IQSEC1: variants seen among roughly 807,000 people sequenced by gnomAD.
The protein encoded by IQSEC1 is IQ motif and Sec7 domain ArfGEF 1.
IQSEC1 carries 31 observed loss-of-function variants against 91.0 expected under a neutral mutation model. The observed-to-expected ratio is 0.34, with a 90% CI of 0.26 to 0.46. The LOEUF (loss-of-function observed/expected upper bound fraction) is 0.46, where lower values mean the gene tolerates loss of function less well. IQSEC1 is among the 20% of genes least tolerant of loss of function. The probability of loss-of-function intolerance (pLI) is 1.00; values close to 1 mark genes in which losing one functional copy is unlikely to be tolerated. For missense variants in IQSEC1, 1,388 were observed against 1,575.6 expected (o/e 0.88, Z 2.02); for synonymous variants, 699 against 662.6 (o/e 1.05, Z -0.84).
chr3:13,046,182 C>T (rs1339948247), intron 1 of IQSEC1, among the ~76,000 whole-genome samples: 1 of 152,228 alleles, frequency 6.6e-6, no homozygotes, highest in African/African-American at 2.4e-5. Flanking sequence ...GTGGAGTGGG[C>T]TAACAATAGC....
intron 1 of IQSEC1, among the ~76,000 whole-genome samples, chr3:13,216,065 C>T (rs1388329208): frequency 6.6e-6 from 1 of 152,260 alleles, no homozygotes; most frequent in Non-Finnish European, 1.5e-5. Context: ...TGGGGCTGGG[C>T]AGGCCCTCCA....
chr3:13,027,405 G>A (rs1197328076), intron 1 of IQSEC1, among the ~76,000 whole-genome samples: 1 of 152,206 alleles, frequency 6.6e-6, no homozygotes, highest in Non-Finnish European at 1.5e-5. Context: ...AAGGGCCAGC[G>A]TCCAAGTTGC....
chr3:12,901,260 G>A lies in IQSEC1; in HGVS notation c.3068C>T (p.Ala1023Val), dbSNP rs778950868. Reference protein sequence around the residue: ...LGPPEGLPQAAMHGHHTQYCH... With the variant: ...LGPPEGLPQAVMHGHHTQYCH... ...GTACTGGGTGTGATGCCCGTGCATG[G>A]CGGCCTGCGGCAGCCCCTCTGGGGG... The change falls in exon 14 of 14, where the codon GCC becomes GTC. Residue 1023 changes from alanine (A) to valine (V), a missense_variant. By Grantham distance (64) the Ala-to-Val change is moderately conservative. Transcript: ENST00000613206. 2.7e-5 allele frequency: 41 copies of A among 1,533,016 alleles called. No individual in the cohort carries two copies. Among genetic ancestry groups the A allele is most frequent in the Non-Finnish European group, 3.5e-5 (40 of 1,145,906 alleles). The allele number at this position is 1,533,016 out of a possible 1,614,324, so 95.0% of individuals were successfully genotyped here. A position where few individuals can be genotyped will look rare whatever the true frequency, so the allele number is the denominator to read the frequency against.
chr3:13,119,297 C>T (rs1300404277), intron 2 of IQSEC1, among the ~76,000 whole-genome samples: 1 of 152,142 alleles, frequency 6.6e-6, no homozygotes, highest in African/African-American at 2.4e-5. Flanking sequence ...TTAAAAGGGC[C>T]TCAAGGATCT....
intron 2 of IQSEC1, among the ~76,000 whole-genome samples, chr3:13,124,058 C>T (rs1436496542): frequency 6.6e-6 from 1 of 152,210 alleles, no homozygotes; most frequent in African/African-American, 2.4e-5. Flanking sequence ...CTGTCATAAC[C>T]GGCAGGCATG....
chr3:13,083,143 G>A (rs927695442), intron 2 of IQSEC1, among the ~76,000 whole-genome samples: 13 of 152,350 alleles, frequency 8.5e-5, no homozygotes, highest in African/African-American at 3.1e-4. Flanking sequence ...TATCCCCTGT[G>A]CCTGATAACT....
intron 1 of IQSEC1, among the ~76,000 whole-genome samples, chr3:13,173,089 C>T (rs1431827409): frequency 6.6e-6 from 1 of 152,168 alleles, no homozygotes; most frequent in Non-Finnish European, 1.5e-5. Flanking sequence ...GGGTTTTCTC[C>T]CCTGGGAAAA....
At chr3:13,231,942 C>G (rs1376904977) in intron 1 of IQSEC1, among the ~76,000 whole-genome samples, 4 of 152,274 alleles carry the variant, frequency 2.6e-5, no homozygotes, top group African/African-American at 9.6e-5. Flanking sequence ...CAGTCACATT[C>G]TGGTGCTCCC....
At chr3:13,045,661 T>C (rs557577136) in intron 1 of IQSEC1, among the ~76,000 whole-genome samples, 2 of 152,338 alleles carry the variant, frequency 1.3e-5, no homozygotes, top group South Asian at 4.1e-4. Flanking sequence ...TACCAGAACT[T>C]TCCTGGGCTG....
At chr3:13,088,396 T>C (rs751521216) in intron 2 of IQSEC1, among the ~76,000 whole-genome samples, 1 of 152,024 alleles carries the variant, frequency 6.6e-6, no homozygotes, top group Non-Finnish European at 1.5e-5. Context: ...ACAAGCTTAG[T>C]ATGCCGAGGC....
intron 1 of IQSEC1, among the ~76,000 whole-genome samples, chr3:12,973,691 A>G (rs1701016945): frequency 6.6e-6 from 1 of 152,202 alleles, no homozygotes; most frequent in Non-Finnish European, 1.5e-5. Context: ...ATATCAAAAT[A>G]TCTCATGTGA....
chr3:13,075,627 T>C (rs1045785777), upstream of IQSEC1, among the ~76,000 whole-genome samples: 24 of 152,248 alleles, frequency 1.6e-4, no homozygotes, highest in African/African-American at 5.8e-4. Flanking sequence ...CCTTCCATGT[T>C]ATGCTGTTAT....
At chr3:13,002,641 A>G (rs1702469186) in intron 1 of IQSEC1, among the ~76,000 whole-genome samples, 1 of 152,226 alleles carries the variant, frequency 6.6e-6, no homozygotes. Flanking sequence ...TCATGACTCA[A>G]TAACAAGGAG....
At chr3:13,104,609 G>A (rs1239927037) in intron 2 of IQSEC1, among the ~76,000 whole-genome samples, 1 of 152,176 alleles carries the variant, frequency 6.6e-6, no homozygotes, top group African/African-American at 2.4e-5. Flanking sequence ...CATCTTAGCA[G>A]TTTCATCTCC....
intron 2 of IQSEC1, among the ~76,000 whole-genome samples, chr3:13,151,741 G>A (rs1472633442): frequency 6.6e-6 from 1 of 152,208 alleles, no homozygotes; most frequent in African/African-American, 2.4e-5. Flanking sequence ...CGAGGCGGGA[G>A]GATCACCTGA....
In IQSEC1 at chr3:12,908,123, G is replaced by A. The variant is rs374731403; in HGVS notation, c.2755+226C>T. On this transcript the variant is annotated intron_variant, in intron 12 of 13. Coordinates refer to ENST00000613206, the MANE Select transcript of IQSEC1 (RefSeq NM_001134382.3). The surrounding 1 kb of genome is among the most constrained non-coding windows in gnomAD (Gnocchi z 4.9). ...TGGGGGTGACTTCCCCAGCTAATTC[G>A]TGTGCAATGCCTTTCTTTTTGACGT... is the stretch of plus-strand genomic sequence containing the variant. Among the ~76,000 whole-genome samples the A allele has an allele frequency of 8.5e-5, 13 of 152,356 alleles. No individual in the cohort carries two copies. Among genetic ancestry groups the A allele is most frequent in the Admixed American group, 6.5e-4 (10 of 15,306 alleles).
At chr3:13,048,120 C>A (rs1349874400) in intron 1 of IQSEC1, among the ~76,000 whole-genome samples, 2 of 152,178 alleles carry the variant, frequency 1.3e-5, no homozygotes, top group African/African-American at 4.8e-5. Flanking sequence ...CCACCTCCAC[C>A]CATGACTAGC....
At chr3:12,960,470 C>A (rs1037750192) in intron 1 of IQSEC1, 1 of 152,252 alleles carries the variant, frequency 6.6e-6, no homozygotes, top group Non-Finnish European at 1.5e-5. Context: ...TCCGGCTCCT[C>A]CTTGGCCCCC....
chr3:13,197,725 C>T (rs1349988624), intron 1 of IQSEC1, among the ~76,000 whole-genome samples: 4 of 152,214 alleles, frequency 2.6e-5, no homozygotes, highest in African/African-American at 4.8e-5. Context: ...GGGGCATCAA[C>T]ATTGCAAGCT....
Sources: gnomAD v4.1 joint callset for allele counts (sites outside exome capture counted in the v4.1 genomes callset) on GRCh38, gnomAD v4.1.1 for gene constraint, Gnocchi (gnomAD v3.1) non-coding constraint, MANE v1.5 for transcripts, NCBI Gene and HGNC (gene_info 2026-07-23, HGNC 2026-07-21) for gene names.